Variants in NCR1 observed in about 807,000 individuals in gnomAD.
The protein encoded by NCR1 is natural cytotoxicity triggering receptor 1.
NCR1 carries 30 observed loss-of-function variants against 32.5 expected under a neutral mutation model. That is an observed-to-expected ratio of 0.92 (90% confidence interval 0.69 to 1.25). The LOEUF is 1.25. Ranked by LOEUF, NCR1 falls within the 50% of genes most tolerant of loss-of-function variation. The probability of loss-of-function intolerance (pLI) is 0.00; values close to 1 mark genes in which losing one functional copy is unlikely to be tolerated. For missense variants in NCR1, 369 were observed against 380.7 expected (o/e 0.97, Z 0.26); for synonymous variants, 169 against 143.4 (o/e 1.18, Z -1.28).
rs888032756 is a variant in NCR1, at chr19:54,907,981, C to CT, written c.355+1184dup. ...AGGGGAACACAGCTACTCATTTATT[C>CT]TTTTTTTTTTAATTTTTTTAGTATT... On this transcript the variant is annotated intron_variant, in intron 3 of 6. Coordinates refer to ENST00000291890, the MANE Select transcript of NCR1 (RefSeq NM_004829.7). Among the ~76,000 whole-genome samples, 1,401 of 146,192 alleles carry CT rather than the reference C, an allele frequency of 9.6e-3. 23 individuals are homozygous for CT. Among genetic ancestry groups the CT allele is most frequent in the African/African-American group, 0.032 (1,264 of 39,912 alleles).
rs745581604 is a variant in NCR1, at chr19:54,906,514, C to G, written c.71-9C>G. On this transcript the variant is annotated splice_polypyrimidine_tract_variant and intron_variant, in intron 2 of 6. Transcript: ENST00000291890. ...TCCGCTGGAACTCCAGCCTCTGATT[C>G]CCTTCCAGAGACTCTCCCAAAACCG... 6.2e-7 allele frequency: 1 copy of G among 1,603,994 alleles called. No individual in the cohort carries two copies. The highest frequency in any genetic ancestry group is 8.5e-7 in the Non-Finnish European group (1 of 1,179,318).
downstream of NCR1, among the ~76,000 whole-genome samples, chr19:54,918,157 G>A (rs1034440889): frequency 8.6e-5 from 13 of 151,900 alleles, no homozygotes; most frequent in African/African-American, 1.9e-4. Flanking sequence ...GGATGGTCTC[G>A]ATCTGACCTC....
At chr19:54,910,976 A>G (rs912627587) in intron 5 of NCR1, among the ~76,000 whole-genome samples, 3 of 152,166 alleles carry the variant, frequency 2.0e-5, no homozygotes, top group African/African-American at 7.2e-5. Context: ...TAATACAATA[A>G]TAACTATGAG....
At chr19:54,908,610 G>A (rs1317689817) in intron 3 of NCR1, among the ~76,000 whole-genome samples, 6 of 151,772 alleles carry the variant, frequency 4.0e-5, no homozygotes, top group Non-Finnish European at 8.8e-5. Context: ...GTGGCCGGGC[G>A]GGGGCTGCCC....
the NCR1 span, among the ~76,000 whole-genome samples, chr19:54,930,029 A>C: frequency 2.9e-4 from 44 of 149,340 alleles, no homozygotes; most frequent in Middle Eastern, 3.4e-3. Flanking sequence ...GCAGGAGAAT[A>C]GCGAGAACCC....
At chr19:54,932,262 C>T in the NCR1 span, among the ~76,000 whole-genome samples, 45,635 of 151,614 alleles carry the variant, frequency 0.3, 7,179 homozygotes, top group East Asian at 0.41. Flanking sequence ...ACCTCATCTC[C>T]ACTAAAAGTG....
chr19:54,936,500 CA>C, the NCR1 span: 2 of 1,330,208 alleles, frequency 1.5e-6, no homozygotes, highest in South Asian at 1.2e-5. Flanking sequence ...CATGTATAAA[CA>C]AAAAGCTGTT....
At chr19:54,906,024 G>T, upstream of NCR1, 1 of 805,012 alleles carries the variant, frequency 1.2e-6, no homozygotes, top group Non-Finnish European at 2.0e-6. Flanking sequence ...TAAGCTCATG[G>T]TCAGAGGCGG....
chr19:54,918,971 CA>C (rs1475895438), downstream of NCR1, among the ~76,000 whole-genome samples: 1 of 135,760 alleles, frequency 7.4e-6, no homozygotes, highest in Non-Finnish European at 1.5e-5. Context: ...GCAACAAGAG[CA>C]AAACTGTCTT....
chr19:54,905,823 A>G (rs1019834757), upstream of NCR1, among the ~76,000 whole-genome samples: 6 of 152,074 alleles, frequency 3.9e-5, no homozygotes, highest in Non-Finnish European at 5.9e-5. Flanking sequence ...GAAACTCCCT[A>G]TGTTTTTATA....
chr19:54,936,479 T>A, the NCR1 span: 1 of 1,457,024 alleles, frequency 6.9e-7, no homozygotes, highest in Non-Finnish European at 9.6e-7. Flanking sequence ...AATACTCACA[T>A]TGTGTGGAGG....
In NCR1 at chr19:54,912,180, G is replaced by A. The variant is rs756724930; in HGVS notation, c.695G>A (p.Gly232Asp). 3.1e-6 allele frequency: 5 copies of A among 1,613,822 alleles called. No individual in the cohort carries two copies. The highest frequency in any genetic ancestry group is 4.2e-6 in the Non-Finnish European group (5 of 1,179,898). ...EDPTFPADTWGTYLLTTETGL... is the reference protein window; with the variant it reads ...EDPTFPADTWDTYLLTTETGL... ...CCCTTATCATCAGCAGACACTTGGG[G>A]CACCTACCTTTTAACCACAGAGACG... Residue 232 changes from glycine to aspartate, a missense_variant, in exon 6 of 7, where the codon GGC becomes GAC. Gly to Asp is a moderately conservative substitution (Grantham distance 94). Coordinates refer to ENST00000291890, the MANE Select transcript of NCR1 (RefSeq NM_004829.7).
At chr19:54,916,650 C>A (rs1447689409), downstream of NCR1, among the ~76,000 whole-genome samples, 2 of 151,390 alleles carry the variant, frequency 1.3e-5, no homozygotes, top group Non-Finnish European at 2.9e-5. Context: ...CCTACCACCC[C>A]CAGCCCCTGA....
At position 54,906,763 on chromosome 19, in the gene NCR1, A is replaced by G. The variant is rs2067650033; in HGVS notation, c.311A>G (p.Glu104Gly). ...TACAGCTGCATCTATCGGGTTGGGG[A>G]GCTCTGGTCAGAGCCCAGCAACTTG... ...GQYSCIYRVG[E>G]LWSEPSNLLD... Residue 104 changes from glutamate (E) to glycine (G), a missense_variant, in exon 3 of 7, where the codon GAG becomes GGG. Transcript: ENST00000291890. 1.2e-6 allele frequency: 2 copies of G among 1,614,186 alleles called. No individual in the cohort carries two copies. The highest frequency in any genetic ancestry group is 4.5e-5 in the East Asian group (2 of 44,882).
chr19:54,922,873 CACAG>C, the NCR1 span, among the ~76,000 whole-genome samples: 16 of 148,310 alleles, frequency 1.1e-4, no homozygotes, highest in African/African-American at 3.5e-4. Context: ...CACAGAGAAA[CACAG>C]ACAGACACAG....
At chr19:54,925,943 T>C in the NCR1 span, among the ~76,000 whole-genome samples, 4 of 150,854 alleles carry the variant, frequency 2.7e-5, no homozygotes, top group African/African-American at 4.9e-5. Context: ...GAGCTTGCAG[T>C]GAGCCGAGAT....
downstream of NCR1, among the ~76,000 whole-genome samples, chr19:54,914,163 CCTTTTTTTTTTTTTT>C (rs945220816): frequency 7.2e-6 from 1 of 138,950 alleles, no homozygotes; most frequent in African/African-American, 2.9e-5. Flanking sequence ...ATCTTCTCTT[CCTTTTTTTTTTTTTT>C]CTTTTTTTTT....
At chr19:54,930,642 C>T in the NCR1 span, 6 of 1,613,718 alleles carry the variant, frequency 3.7e-6, 1 homozygote, top group African/African-American at 1.3e-5. Flanking sequence ...TACAGCCAAG[C>T]TTGGTTATGC....
the NCR1 span, among the ~76,000 whole-genome samples, chr19:54,937,651 AC>A: frequency 6.6e-6 from 1 of 152,082 alleles, no homozygotes; most frequent in South Asian, 2.1e-4. Flanking sequence ...TAATCCCAGC[AC>A]TTTGGAAGGC....
Sources: gnomAD v4.1 joint callset for allele counts (sites outside exome capture counted in the v4.1 genomes callset) on GRCh38, gnomAD v4.1.1 for gene constraint, MANE v1.5 for transcripts, NCBI Gene and HGNC (gene_info 2026-07-23, HGNC 2026-07-21) for gene names.